The following STK3 variants were observed in gnomAD, a reference collection of about 807,000 sequenced individuals.
STK3 encodes the protein serine/threonine-protein kinase 3.
A neutral mutation model predicts 58.0 loss-of-function variants in STK3; 41 were observed. The observed-to-expected ratio is 0.71, with a 90% CI of 0.55 to 0.92. The LOEUF (loss-of-function observed/expected upper bound fraction) is 0.92. Ranked by LOEUF, STK3 falls within the 40% of genes least tolerant of loss-of-function variation. The pLI, the probability that STK3 is intolerant of heterozygous loss-of-function variation, is 0.00. For synonymous variants in STK3, 170 were observed against 191.0 expected (o/e 0.89, Z 0.91); for missense variants, 479 against 602.7 (o/e 0.79, Z 2.15).
At chr8:98,667,127 C>T (rs1339089274) in intron 6 of STK3, among the ~76,000 whole-genome samples, 2 of 152,096 alleles carry the variant, frequency 1.3e-5, no homozygotes, top group Non-Finnish European at 2.9e-5. Flanking sequence ...TTCAGCATAA[C>T]TAAGAAAGAC....
intron 6 of STK3, among the ~76,000 whole-genome samples, chr8:98,600,915 A>G (rs1202479673): frequency 1.3e-5 from 2 of 152,244 alleles, no homozygotes; most frequent in African/African-American, 4.8e-5. Flanking sequence ...TGCAGCAATA[A>G]AAACTAAAAG....
chr8:98,515,349 C>G (rs917503371), intron 10 of STK3, among the ~76,000 whole-genome samples: 1 of 152,098 alleles, frequency 6.6e-6, no homozygotes, highest in Admixed American at 6.6e-5. Context: ...CTAGTCTGTT[C>G]AGCAGACATG....
intron 3 of STK3, among the ~76,000 whole-genome samples, chr8:98,394,433 C>T (rs191385850): frequency 6.6e-5 from 10 of 152,088 alleles, no homozygotes; most frequent in African/African-American, 9.6e-5. Flanking sequence ...GTCATCCCAG[C>T]ACTTTTGGAG....
intron 9 of STK3, among the ~76,000 whole-genome samples, chr8:98,531,741 T>C (rs2131510021): frequency 6.6e-6 from 1 of 152,350 alleles, no homozygotes; most frequent in South Asian, 2.1e-4. Flanking sequence ...TCATCAATTA[T>C]CTTAGCTACA....
At chr8:98,516,172 T>C (rs1317179031) in intron 10 of STK3, among the ~76,000 whole-genome samples, 1 of 152,032 alleles carries the variant, frequency 6.6e-6, no homozygotes, top group East Asian at 1.9e-4. Flanking sequence ...TAGCAAAATG[T>C]GGCATAGTTG....
intron 1 of STK3, among the ~76,000 whole-genome samples, chr8:98,801,759 G>A (rs1833564479): frequency 6.6e-6 from 1 of 152,042 alleles, no homozygotes; most frequent in Non-Finnish European, 1.5e-5. Flanking sequence ...GTGAGACCAA[G>A]AACCCACCAA....
intron 10 of STK3, among the ~76,000 whole-genome samples, chr8:98,510,547 C>T (rs2131402443): frequency 6.6e-6 from 1 of 151,934 alleles, no homozygotes; most frequent in East Asian, 1.9e-4. Flanking sequence ...TATCCTTTTC[C>T]ACTATTAATA....
chr8:98,386,615 A>T (rs947315861), intron 1 of STK3, among the ~76,000 whole-genome samples: 1 of 152,236 alleles, frequency 6.6e-6, no homozygotes, highest in African/African-American at 2.4e-5. Context: ...GTAGGAAATA[A>T]AACAGAAAAG....
intron 6 of STK3, among the ~76,000 whole-genome samples, chr8:98,617,800 C>T (rs952030520): frequency 1.3e-5 from 2 of 151,922 alleles, no homozygotes; most frequent in Non-Finnish European, 2.9e-5. Context: ...ATAACAGGAG[C>T]TGAAATTGTG....
intron 1 of STK3, among the ~76,000 whole-genome samples, chr8:98,912,604 T>C (rs1222316567): frequency 6.6e-6 from 1 of 151,984 alleles, no homozygotes; most frequent in Non-Finnish European, 1.5e-5. Flanking sequence ...AAAAACATAC[T>C]CTCTGCAGGC....
At position 98,840,616 on chromosome 8, in the gene STK3, T is replaced by C. The variant is rs865898573; in HGVS notation, c.110+43031A>G. On this transcript the variant is annotated intron_variant, in intron 3 of 12. Transcript: ENST00000523601. ...ATATATATATATATATATATATATATATATATATATATACACACACATACG... is the reference window on the plus strand; with the variant it reads ...ATATATATATATATATATATATATACATATATATATATACACACACATACG... Among the ~76,000 whole-genome samples, 142 of 101,980 alleles carry C rather than the reference T, an allele frequency of 1.4e-3. 1 individual carries two copies. The highest frequency in any genetic ancestry group is 4.1e-3 in the African/African-American group (135 of 32,594). The allele number at this position is 101,980 out of a possible 152,430, so 66.9% of individuals were successfully genotyped here.
intron 1 of STK3, among the ~76,000 whole-genome samples, chr8:98,896,309 G>A (rs1838443805): frequency 6.6e-6 from 1 of 152,180 alleles, no homozygotes; most frequent in East Asian, 1.9e-4. Context: ...TTTCAAGCTT[G>A]CTTTATGAAA....
intron 3 of STK3, among the ~76,000 whole-genome samples, chr8:98,833,808 T>C (rs1835640132): frequency 1.3e-5 from 2 of 152,116 alleles, no homozygotes; most frequent in South Asian, 4.1e-4. Context: ...TTGAGGGGGG[T>C]TAGATTTTAT....
downstream of STK3, among the ~76,000 whole-genome samples, chr8:98,369,422 CT>C (rs1192503083): frequency 1.3e-5 from 2 of 152,024 alleles, no homozygotes; most frequent in Non-Finnish European, 2.9e-5. Context: ...TTTTTTGGAT[CT>C]TTTTTTGTGT....
At chr8:98,601,252 C>T (rs1461876971) in intron 6 of STK3, among the ~76,000 whole-genome samples, 4 of 152,120 alleles carry the variant, frequency 2.6e-5, no homozygotes, top group Admixed American at 2.0e-4. Context: ...TTGATACCAC[C>T]CCTTAAGCTG....
intron 6 of STK3, among the ~76,000 whole-genome samples, chr8:98,661,549 G>A (rs953931011): frequency 1.3e-5 from 2 of 151,974 alleles, no homozygotes. Flanking sequence ...GATGCCATTA[G>A]TGACATAACA....
intron 6 of STK3, among the ~76,000 whole-genome samples, chr8:98,698,138 G>A (rs566368721): frequency 6.6e-6 from 1 of 151,934 alleles, no homozygotes; most frequent in South Asian, 2.1e-4. Context: ...TGTCTCTTTT[G>A]ATCTTTGTTG....
At chr8:98,804,066 A>G (rs1833756879) in intron 1 of STK3, among the ~76,000 whole-genome samples, 3 of 152,050 alleles carry the variant, frequency 2.0e-5, no homozygotes, top group Non-Finnish European at 2.9e-5. Context: ...CAGTGGTGCA[A>G]TCTTGGCTCT....
chr8:98,435,494 C>G (rs1818453963), intron 2 of STK3, among the ~76,000 whole-genome samples: 1 of 151,830 alleles, frequency 6.6e-6, no homozygotes, highest in Non-Finnish European at 1.5e-5. Context: ...CTAGCATCAG[C>G]TTGGAAGTGT....
Sources: allele counts gnomAD v4.1 joint callset (sites outside exome capture counted in the v4.1 genomes callset), GRCh38; gene constraint gnomAD v4.1.1; transcripts MANE v1.5; gene names NCBI Gene and HGNC (gene_info 2026-07-23, HGNC 2026-07-21).